PLCB3: variants seen among roughly 807,000 people sequenced by gnomAD.
PLCB3 encodes 1-phosphatidylinositol 4,5-bisphosphate phosphodiesterase beta-3.
Under a neutral mutation model 152.1 loss-of-function variants are expected in PLCB3, and 54 were observed. That is an observed-to-expected ratio of 0.36 (90% CI 0.29 to 0.45). PLCB3 has a LOEUF of 0.45. Among genes scored for constraint, PLCB3 ranks in the 20% least tolerant of loss-of-function variants. PLCB3 has a pLI of 1.00. For synonymous variants in PLCB3, 717 were observed against 698.7 expected (o/e 1.03, Z -0.41); for missense variants, 1,248 against 1,687.5 (o/e 0.74, Z 4.56).
At chr11:64,267,961 G>T (rs2032216010), downstream of PLCB3, 2 of 174,830 alleles carry the variant, frequency 1.1e-5, no homozygotes, top group Non-Finnish European at 1.2e-5. This position sits in a 1 kb window ranked among gnomAD's most constrained non-coding sequence, Gnocchi z 5.2. Flanking sequence ...CAGGACTCTG[G>T]GCCCTAAGTT....
chr11:64,266,649 G>T lies in PLCB3; in HGVS notation c.3414+97G>T. 3.4e-6 allele frequency: 4 copies of T among 1,188,118 alleles called. No homozygotes were observed. The highest frequency in any genetic ancestry group is 3.7e-6 in the Non-Finnish European group (3 of 800,672). The allele number at this position is 1,188,118 out of a possible 1,614,324, so 73.6% of individuals were successfully genotyped here. On this transcript the variant is annotated intron_variant, in intron 29 of 30. Coordinates refer to ENST00000279230, the MANE Select transcript of PLCB3 (RefSeq NM_000932.5). This position sits in a 1 kb window ranked among gnomAD's most constrained non-coding sequence, Gnocchi z 4.9. ...GGCCTGGTGCCACGTTGCCCTCAAG[G>T]TTCTTCTAGGGCCTTTCTCAAGTGC...
Position 64,255,354 on chromosome 11 carries a change from G to T in PLCB3, c.467+41G>T, listed in dbSNP as rs187784703. On this transcript the variant is annotated intron_variant, in intron 5 of 30. Transcript: ENST00000279230. The surrounding 1 kb of genome is among the most constrained non-coding windows in gnomAD (Gnocchi z 6.8). Reference sequence around the variant, plus strand: ...CCCGAGGGGGAGCCGGGGGGTTCACGTGGCCGTTTTCAGGGTGTGACCTCT... The same window carrying T: ...CCCGAGGGGGAGCCGGGGGGTTCACTTGGCCGTTTTCAGGGTGTGACCTCT... 2.8e-4 allele frequency: 451 copies of T among 1,613,824 alleles called. 1 individual carries two copies. In the African/African-American group the frequency reaches 5.4e-3, roughly 19 times the overall value.
In PLCB3 at chr11:64,255,639, C is replaced by CGGGGG; in HGVS notation, c.597+27_597+28insGGGGG. 1 of 645,446 alleles carries CGGGGG rather than the reference C, an allele frequency of 1.5e-6. No individual in the cohort carries two copies. The highest frequency in any genetic ancestry group is 3.2e-4 in the Middle Eastern group (1 of 3,128). The allele number at this position is 645,446 out of a possible 1,614,324, so 40.0% of individuals were successfully genotyped here. On this transcript the variant is annotated intron_variant, in intron 7 of 30. Coordinates refer to ENST00000279230, the MANE Select transcript of PLCB3 (RefSeq NM_000932.5). This position sits in a 1 kb window ranked among gnomAD's most constrained non-coding sequence, Gnocchi z 6.8. ...CGGGTGTGTGGGGTGGGGACAGGGG[C>CGGGGG]GGGGTGGGGTGTCACGGTGGGCACC...
In PLCB3 at chr11:64,266,149, C is replaced by T. The variant is rs777166618; in HGVS notation, c.3213C>T (p.Val1071=). 12 of 1,613,896 alleles carry T rather than the reference C, an allele frequency of 7.4e-6. No individual in the cohort carries two copies. The highest frequency in any genetic ancestry group is 3.3e-5 in the South Asian group (3 of 91,060). ...AGGCTCTGCAGCGGCTCAGGGAGGTCGTCCTTGATGCAAACACAACTCAGT... is the reference window on the plus strand; with the variant it reads ...AGGCTCTGCAGCGGCTCAGGGAGGTTGTCCTTGATGCAAACACAACTCAGT... ...LRQALQRLRE[V]VLDANTTQFK... is the part of the protein sequence containing the mutation. Residue 1071 remains valine, a synonymous_variant, in exon 27 of 31, where the codon GTC becomes GTT. Transcript: ENST00000279230. This position sits in a 1 kb window ranked among gnomAD's most constrained non-coding sequence, Gnocchi z 4.9.
chr11:64,265,128 G>A lies in PLCB3; in HGVS notation c.2806+24G>A, dbSNP rs751215663. 18 of 1,553,724 alleles carry A rather than the reference G, an allele frequency of 1.2e-5. No individual in the cohort carries two copies. In the Admixed American group the frequency reaches 2.7e-4, roughly 23 times the overall value. On this transcript the variant is annotated intron_variant, in intron 23 of 30. Transcript: ENST00000279230. The stretch of plus-strand genomic sequence containing the variant: ...AGGTAAGGAGTGGCCTGGGTCGGGG[G>A]TGGGCTGCAGGGAGGCACCCCCCAC...
intron 25 of PLCB3, 91 bp from the exon 26 acceptor site, chr11:64,265,795 A>G (rs2032085869): frequency 1.4e-6 from 2 of 1,477,668 alleles, no homozygotes; most frequent in Non-Finnish European, 9.1e-7. Flanking sequence ...GGTGTCTGCC[A>G]TCGCTTGCCA....
intron 19 of PLCB3, 99 bp from the exon 20 acceptor site, chr11:64,263,399 G>C: frequency 1.4e-6 from 1 of 715,430 alleles, no homozygotes; most frequent in Non-Finnish European, 2.3e-6. Flanking sequence ...TCGTCTGAAG[G>C]TCTGCTTTGT....
At position 64,266,676 on chromosome 11, in the gene PLCB3, C is replaced by T; in HGVS notation, c.3414+124C>T. The T allele has an allele frequency of 4.5e-6, 4 of 896,512 alleles. No individual in the cohort carries two copies. The highest frequency in any genetic ancestry group is 7.2e-6 in the Non-Finnish European group (4 of 555,368). 55.5% of individuals were successfully genotyped at this position (896,512 alleles called of 1,614,324 possible). A position where few individuals can be genotyped will look rare whatever the true frequency, so the allele number is the denominator to read the frequency against. ...TCTTCTAGGGCCTTTCTCAAGTGCCCAACAGCCCCAGGGTACCCACATCAT... is the reference window on the plus strand; with the variant it reads ...TCTTCTAGGGCCTTTCTCAAGTGCCTAACAGCCCCAGGGTACCCACATCAT... On this transcript the variant is annotated intron_variant, in intron 29 of 30. Coordinates refer to ENST00000279230, the MANE Select transcript of PLCB3 (RefSeq NM_000932.5). This position sits in a 1 kb window ranked among gnomAD's most constrained non-coding sequence, Gnocchi z 4.9.
intron 13 of PLCB3, 85 bp downstream of exon 13, chr11:64,259,329 C>A: frequency 9.2e-7 from 1 of 1,088,608 alleles, no homozygotes; most frequent in Non-Finnish European, 1.3e-6. Context: ...CATCCCAGAC[C>A]CCCAGCCCAC....
chr11:64,265,110 G>T lies in PLCB3; in HGVS notation c.2806+6G>T. The T allele has an allele frequency of 6.4e-7, 1 of 1,552,684 alleles. No homozygotes were observed. ...CACCTCCCTCAGCAGCCCAGGTAAG[G>T]AGTGGCCTGGGTCGGGGGTGGGCTG... On this transcript the variant is annotated splice_donor_region_variant and intron_variant, in intron 23 of 30. Coordinates refer to ENST00000279230, the MANE Select transcript of PLCB3 (RefSeq NM_000932.5).
chr11:64,255,623 G>T lies in PLCB3; in HGVS notation c.597+7G>T. ...TGGCCTCAAATTCAACCGGGTGTGT[G>T]GGGTGGGGACAGGGGCGGGGTGGGG... is the stretch of plus-strand genomic sequence containing the variant. On this transcript the variant is annotated splice_region_variant and intron_variant, in intron 7 of 30. Coordinates refer to ENST00000279230, the MANE Select transcript of PLCB3 (RefSeq NM_000932.5). This position sits in a 1 kb window ranked among gnomAD's most constrained non-coding sequence, Gnocchi z 6.8. 6.2e-7 allele frequency: 1 copy of T among 1,611,790 alleles called. No individual in the cohort carries two copies. The highest frequency in any genetic ancestry group is 8.5e-7 in the Non-Finnish European group (1 of 1,178,274).
Position 64,267,679 on chromosome 11 carries a change from C to G in PLCB3, c.*123C>G. On this transcript the variant is annotated 3_prime_UTR_variant, in exon 31 of 31. Transcript: ENST00000279230. The surrounding 1 kb of genome is among the most constrained non-coding windows in gnomAD (Gnocchi z 5.2). Reference sequence around the variant, plus strand: ...ATCTAGAAATTTTATTTTTTTAAACCCGGGGCAAGTACCTCAGCTAACTCC... The same window carrying G: ...ATCTAGAAATTTTATTTTTTTAAACGCGGGGCAAGTACCTCAGCTAACTCC... 4 of 819,766 alleles carry G rather than the reference C, an allele frequency of 4.9e-6. No individual in the cohort carries two copies. The South Asian group carries it at 7.4e-5, about 15-fold the overall frequency. 50.8% of individuals were successfully genotyped at this position (819,766 alleles called of 1,614,324 possible). A position where few individuals can be genotyped will look rare whatever the true frequency, so the allele number is the denominator to read the frequency against.
Position 64,251,738 on chromosome 11 carries a change from A to C in PLCB3, c.89A>C (p.Lys30Thr), listed in dbSNP as rs183622724. 1 of 1,464,348 alleles carries C rather than the reference A, an allele frequency of 6.8e-7. No individual in the cohort carries two copies. Among genetic ancestry groups the C allele is most frequent in the Admixed American group, 2.5e-5 (1 of 39,882 alleles). The allele number at this position is 1,464,348 out of a possible 1,614,324, so 90.7% of individuals were successfully genotyped here. A position where few individuals can be genotyped will look rare whatever the true frequency, so the allele number is the denominator to read the frequency against. Residue 30 changes from lysine to threonine, a missense_variant, in exon 1 of 31, where the codon AAA (lysine) becomes ACA (threonine). This residue lies in a region of PLCB3 where 299 missense variants were observed against 434.7 expected (regional missense o/e 0.69). Transcript: ENST00000279230. The part of the protein sequence containing the change: ...ETLRRGSKFI[K>T]WDEETSSRNL... Reference sequence around the variant, plus strand: ...CTGCGGCGCGGGAGTAAGTTCATCAAATGGGACGAGGTAAGCGCGCGGGCC... The same window carrying C: ...CTGCGGCGCGGGAGTAAGTTCATCACATGGGACGAGGTAAGCGCGCGGGCC...
In PLCB3 at chr11:64,264,017, C is replaced by G. The variant is rs778833109; in HGVS notation, c.2561-4C>G. The G allele has an allele frequency of 6.4e-6, 10 of 1,570,632 alleles. No individual in the cohort carries two copies. The highest frequency in any genetic ancestry group is 4.7e-5 in the South Asian group (4 of 84,772). ...TGAGACCTTGGCCTTCTGCCTCCCC[C>G]CAGACTATGCGGAGGCCCTGATCAA... On this transcript the variant is annotated splice_polypyrimidine_tract_variant and splice_region_variant and intron_variant, in intron 21 of 30. Transcript: ENST00000279230.
Position 64,256,367 on chromosome 11 carries a change from C to G in PLCB3, c.699-9C>G, listed in dbSNP as rs374121359. On this transcript the variant is annotated splice_polypyrimidine_tract_variant and intron_variant, in intron 8 of 30. Transcript: ENST00000279230. ...GCTCCATCCTGACCCAGCTTCCTGT[C>G]CCCTCCAGAGGCGCCAAGGGCAAGC... 1.9e-5 allele frequency: 31 copies of G among 1,612,102 alleles called. No individual in the cohort carries two copies. The highest frequency in any genetic ancestry group is 2.3e-5 in the Non-Finnish European group (27 of 1,179,552).
At position 64,259,069 on chromosome 11, in the gene PLCB3, C is replaced by A. The variant is rs200819545; in HGVS notation, c.1350C>A (p.Gly450=). The A allele has an allele frequency of 3.1e-6, 5 of 1,611,760 alleles. No homozygotes were observed. In the East Asian group the frequency reaches 8.9e-5, roughly 29 times the overall value. The change falls in exon 13 of 31, where the codon GGC becomes GGA. Residue 450 remains glycine, a synonymous_variant. Coordinates refer to ENST00000279230, the MANE Select transcript of PLCB3 (RefSeq NM_000932.5). ...EPLDKYPLAP[G]VPLPSPQDLM... is the part of the protein sequence containing the mutation. Reference sequence around the variant, plus strand: ...CCATGCCTGCCCAGCTGGCCCCAGGCGTTCCCCTGCCCAGCCCCCAGGACC... The same window carrying A: ...CCATGCCTGCCCAGCTGGCCCCAGGAGTTCCCCTGCCCAGCCCCCAGGACC...
Position 64,259,234 on chromosome 11 carries a change from C to A in PLCB3, c.1515C>A (p.Ser505=). ...SESSAATEPS[S]PQLGSPSSDS... is the part of the protein sequence containing the mutation. The stretch of plus-strand genomic sequence containing the variant: ...GCTCCGCGGCCACCGAGCCCTCCTC[C>A]CCGCAGCTGGGTAGGCCCCAGCCCG... The change falls in exon 13 of 31, where the codon TCC becomes TCA. Residue 505 remains serine (S), a synonymous_variant. Transcript: ENST00000279230. 2 of 1,539,624 alleles carry A rather than the reference C, an allele frequency of 1.3e-6. No homozygotes were observed. The highest frequency in any genetic ancestry group is 1.7e-6 in the Non-Finnish European group (2 of 1,143,638).
In PLCB3 at chr11:64,264,127, G is replaced by A. The variant is rs757782339; in HGVS notation, c.2652+15G>A. ...GGGAGAGTGAGGTGAGCCGGGGCAG[G>A]GCAGGGCTCAGGCTCACTGTGACCC... On this transcript the variant is annotated intron_variant, in intron 22 of 30. Coordinates refer to ENST00000279230, the MANE Select transcript of PLCB3 (RefSeq NM_000932.5). The A allele has an allele frequency of 6.6e-7, 1 of 1,511,170 alleles. No homozygotes were observed. Among genetic ancestry groups the A allele is most frequent in the Admixed American group, 2.2e-5 (1 of 44,604 alleles). The allele number at this position is 1,511,170 out of a possible 1,614,324, so 93.6% of individuals were successfully genotyped here. A position where few individuals can be genotyped will look rare whatever the true frequency, so the allele number is the denominator to read the frequency against.
chr11:64,257,832 TAGA>T (rs1045208543), intron 10 of PLCB3, among the ~76,000 whole-genome samples: 2 of 151,776 alleles, frequency 1.3e-5, no homozygotes, highest in Non-Finnish European at 2.9e-5. Flanking sequence ...GATATGTTTT[TAGA>T]AGGATGATGC....
Sources: allele counts gnomAD v4.1 joint callset (sites outside exome capture counted in the v4.1 genomes callset), GRCh38; gene constraint gnomAD v4.1.1; regional missense constraint gnomAD v4.1.1; non-coding constraint Gnocchi (gnomAD v3.1); transcripts MANE v1.5; gene names NCBI Gene and HGNC (gene_info 2026-07-23, HGNC 2026-07-21).